The following PUM2 variants were observed in gnomAD, a reference collection of about 807,000 sequenced individuals.
PUM2 encodes pumilio homolog 2.
In PUM2, 57 loss-of-function variants were observed where a neutral mutation model predicts 124.5. That is an observed-to-expected ratio of 0.46 (90% CI 0.37 to 0.57). The LOEUF (loss-of-function observed/expected upper bound fraction) is 0.57, where lower values mean the gene tolerates loss of function less well. Ranked by LOEUF, PUM2 falls within the 20% of genes least tolerant of loss-of-function variation. The probability of loss-of-function intolerance (pLI) is 0.00; values close to 1 mark genes in which losing one functional copy is unlikely to be tolerated. For missense variants in PUM2, 1,065 were observed against 1,290.6 expected (o/e 0.83, Z 2.68); for synonymous variants, 460 against 446.1 (o/e 1.03, Z -0.39).
chr2:20,257,611 G>C lies in PUM2; in HGVS notation c.2484+632C>G, dbSNP rs568564520. On this transcript the variant is annotated intron_variant, in intron 16 of 20. Transcript: ENST00000361078. The stretch of plus-strand genomic sequence containing the variant: ...TCACAGTGTATTTTAAAAATCTGGT[G>C]GATCAGCATTTATCTTCATCCCCTA... Among the ~76,000 whole-genome samples the C allele has an allele frequency of 1.6e-4, 24 of 152,102 alleles. No individual in the cohort carries two copies. The South Asian group carries it at 1.9e-3, about 12-fold the overall frequency.
At chr2:20,336,902 A>AT (rs1316744861) in intron 1 of PUM2, among the ~76,000 whole-genome samples, 1 of 151,850 alleles carries the variant, frequency 6.6e-6, no homozygotes, top group Non-Finnish European at 1.5e-5. Context: ...GATTACAGGC[A>AT]TAAGTCACCA....
At chr2:20,284,888 T>A (rs533778852) in intron 10 of PUM2, among the ~76,000 whole-genome samples, 1 of 152,208 alleles carries the variant, frequency 6.6e-6, no homozygotes, top group African/African-American at 2.4e-5. Flanking sequence ...TGATCAAGAA[T>A]AAGCATTAGC....
intron 5 of PUM2, among the ~76,000 whole-genome samples, chr2:20,310,641 T>A (rs923822640): frequency 1.4e-5 from 2 of 138,362 alleles, no homozygotes. Context: ...ATGGCACTGT[T>A]TTTAAGAAGC....
At chr2:20,276,113 T>A (rs1670190969) in intron 13 of PUM2, among the ~76,000 whole-genome samples, 1 of 151,992 alleles carries the variant, frequency 6.6e-6, no homozygotes, top group African/African-American at 2.4e-5. Context: ...AGCTGCAAAT[T>A]TGAACAAGTG....
intron 20 of PUM2, among the ~76,000 whole-genome samples, chr2:20,252,007 T>C (rs1663491667): frequency 6.6e-6 from 1 of 152,156 alleles, no homozygotes; most frequent in Non-Finnish European, 1.5e-5. Context: ...TCCAGGAATT[T>C]ATTCCACCAA....
At chr2:20,334,704 G>A (rs1205975596) in intron 1 of PUM2, among the ~76,000 whole-genome samples, 2 of 152,162 alleles carry the variant, frequency 1.3e-5, no homozygotes, top group African/African-American at 4.8e-5. Context: ...CAATGAACAA[G>A]GCTTTCGCTT....
At chr2:20,307,787 TA>T (rs1678696142) in intron 7 of PUM2, among the ~76,000 whole-genome samples, 190 bp downstream of exon 7, 1 of 152,248 alleles carries the variant, frequency 6.6e-6, no homozygotes. Flanking sequence ...TTTATTTAAT[TA>T]AACCAGTGAT....
chr2:20,316,997 C>CTG (rs1681102304), intron 3 of PUM2, among the ~76,000 whole-genome samples: 1 of 151,952 alleles, frequency 6.6e-6, no homozygotes, highest in Admixed American at 6.6e-5. Context: ...GGCCACTGCA[C>CTG]TCCAGCCTGG....
In PUM2 at chr2:20,251,711, T is replaced by C; in HGVS notation, c.3069A>G (p.Arg1023=). 1 of 1,611,608 alleles carries C rather than the reference T, an allele frequency of 6.2e-7. No homozygotes were observed. The highest frequency in any genetic ancestry group is 8.5e-7 in the Non-Finnish European group (1 of 1,179,026). ...ATTTGCGCAAAGTAGTAATGTGAGG[T>C]CGAATCTGAAAAACAAATAATCTGC... is the stretch of plus-strand genomic sequence containing the variant. The part of the protein sequence containing the change: ...AQRKIIMHKI[R]PHITTLRKYT... The change falls in exon 21 of 21, where the codon CGA becomes CGG. Residue 1023 remains arginine, a synonymous_variant. Coordinates refer to ENST00000361078, the MANE Select transcript of PUM2 (RefSeq NM_015317.5).
intron 13 of PUM2, among the ~76,000 whole-genome samples, chr2:20,266,055 G>A (rs73919426): frequency 0.011 from 1,739 of 152,152 alleles, 34 homozygotes; most frequent in African/African-American, 0.04. Flanking sequence ...TGTGCACATC[G>A]TATACAATAT....
intron 13 of PUM2, among the ~76,000 whole-genome samples, chr2:20,268,097 T>G (rs888206857): frequency 1.3e-5 from 2 of 152,134 alleles, no homozygotes; most frequent in African/African-American, 2.4e-5. Flanking sequence ...TTTTTCATTA[T>G]TTTCTACCCT....
intron 16 of PUM2, among the ~76,000 whole-genome samples, chr2:20,257,322 G>A (rs1665057281): frequency 6.6e-6 from 1 of 151,992 alleles, no homozygotes; most frequent in African/African-American, 2.4e-5. Context: ...TTTTAATGCA[G>A]TGATGAATAT....
At chr2:20,266,429 A>G (rs1218291284) in intron 13 of PUM2, among the ~76,000 whole-genome samples, 1 of 151,784 alleles carries the variant, frequency 6.6e-6, no homozygotes, top group African/African-American at 2.4e-5. Context: ...TGGACAACAG[A>G]GCAAGACCTT....
intron 13 of PUM2, among the ~76,000 whole-genome samples, chr2:20,266,288 CAAA>C (rs1169601687): frequency 6.6e-6 from 1 of 151,898 alleles, no homozygotes; most frequent in East Asian, 1.9e-4. Flanking sequence ...ACAAAAAATA[CAAA>C]AATTAGCCAG....
At chr2:20,335,024 T>C (rs188011649) in intron 1 of PUM2, among the ~76,000 whole-genome samples, 2 of 152,288 alleles carry the variant, frequency 1.3e-5, no homozygotes, top group Admixed American at 1.3e-4. Flanking sequence ...CATAGCTCTC[T>C]GCATCCTCTC....
intron 10 of PUM2, 21 bp from the exon 11 acceptor site, chr2:20,283,507 C>A: frequency 6.3e-7 from 1 of 1,581,396 alleles, no homozygotes; most frequent in Non-Finnish European, 8.6e-7. Flanking sequence ...TAAAGGTTTA[C>A]TAATGAAAGC....
At chr2:20,258,397 A>G in intron 15 of PUM2, 26 bp from the exon 16 acceptor site, 1 of 1,606,818 alleles carries the variant, frequency 6.2e-7, no homozygotes, top group Non-Finnish European at 8.5e-7. Context: ...TAACATTAAT[A>G]ACAAGTGACC....
intron 1 of PUM2, among the ~76,000 whole-genome samples, chr2:20,345,696 ACC>A (rs1201089932): frequency 6.6e-6 from 1 of 152,014 alleles, no homozygotes; most frequent in African/African-American, 2.4e-5. Flanking sequence ...CAACAGTGAA[ACC>A]CCATCTCTTC....
chr2:20,325,621 G>GT (rs1683486374), intron 2 of PUM2, among the ~76,000 whole-genome samples: 3 of 141,056 alleles, frequency 2.1e-5, no homozygotes, highest in Non-Finnish European at 4.7e-5. Context: ...TGACTCTCTT[G>GT]TTCTTTTTTT....
Sources: allele counts gnomAD v4.1 joint callset (sites outside exome capture counted in the v4.1 genomes callset), GRCh38; gene constraint gnomAD v4.1.1; transcripts MANE v1.5; gene names NCBI Gene and HGNC (gene_info 2026-07-23, HGNC 2026-07-21).